ACTR3C: variants seen among roughly 807,000 people sequenced by gnomAD.
ACTR3C encodes actin-related protein 3C.
In ACTR3C, 18 loss-of-function variants were observed where a neutral mutation model predicts 26.3. The ratio of observed to expected loss-of-function variants is 0.68; its 90% CI spans 0.47 to 1.01. The LOEUF (loss-of-function observed/expected upper bound fraction) is 1.01. Ranked by LOEUF, ACTR3C falls within the 50% of genes least tolerant of loss-of-function variation. ACTR3C has a pLI of 0.00. For missense variants in ACTR3C, 184 were observed against 250.7 expected, an observed-to-expected ratio of 0.73 and a Z score of 1.80; for synonymous variants, 55 against 94.5, an observed-to-expected ratio of 0.58 and a Z score of 2.42.
chr7:150,277,173 CT>C (rs2129611532), intron 6 of ACTR3C, among the ~76,000 whole-genome samples: 1 of 152,244 alleles, frequency 6.6e-6, no homozygotes, highest in South Asian at 2.1e-4. Context: ...AAGCCAATTC[CT>C]TACATTTTAT....
chr7:149,956,724 G>C, the ACTR3C span, among the ~76,000 whole-genome samples: 1 of 151,404 alleles, frequency 6.6e-6, no homozygotes, highest in Admixed American at 6.6e-5. Context: ...ATGTAGGCTT[G>C]GATTTGGAGT....
chr7:149,969,637 C>T, the ACTR3C span, among the ~76,000 whole-genome samples: 1 of 152,082 alleles, frequency 6.6e-6, no homozygotes, highest in Admixed American at 6.5e-5. Context: ...TTTTGATATC[C>T]CTTTTCTCTT....
chr7:150,287,337 G>A (rs1835867634), intron 4 of ACTR3C, among the ~76,000 whole-genome samples: 1 of 151,372 alleles, frequency 6.6e-6, no homozygotes, highest in African/African-American at 2.4e-5. Context: ...GCAGAGTCAG[G>A]TGGGAGGACT....
At chr7:149,886,326 T>C in the ACTR3C span, among the ~76,000 whole-genome samples, 338 of 152,386 alleles carry the variant, frequency 2.2e-3, 4 homozygotes, top group African/African-American at 7.9e-3. Flanking sequence ...TCTGCATTTT[T>C]GTGTTTCCTG....
chr7:150,105,834 G>A, the ACTR3C span, among the ~76,000 whole-genome samples: 3,541 of 152,048 alleles, frequency 0.023, 169 homozygotes, highest in African/African-American at 0.082. Context: ...AACCAGTTAA[G>A]TGAAACTTAT....
At chr7:149,896,965 G>T in the ACTR3C span, among the ~76,000 whole-genome samples, 1 of 151,312 alleles carries the variant, frequency 6.6e-6, no homozygotes, top group Non-Finnish European at 1.5e-5. Flanking sequence ...GGAGGCTGAG[G>T]CAGGAGAATC....
chr7:150,210,968 C>A, the ACTR3C span, among the ~76,000 whole-genome samples: 5 of 150,016 alleles, frequency 3.3e-5, 1 homozygote, highest in African/African-American at 1.0e-4. Flanking sequence ...TAATAATCTT[C>A]TTTTGTCCTG....
chr7:149,903,913 G>GT, the ACTR3C span, among the ~76,000 whole-genome samples: 22,583 of 94,626 alleles, frequency 0.24, 3,817 homozygotes, highest in Non-Finnish European at 0.32. Context: ...GGTTGTTGTT[G>GT]TTGTTGTTGT....
chr7:150,315,045 T>C (rs1452682823), intron 1 of ACTR3C, among the ~76,000 whole-genome samples: 3 of 147,410 alleles, frequency 2.0e-5, no homozygotes, highest in Admixed American at 1.4e-4. Context: ...TATTAATAAT[T>C]ACTTTTATTA....
chr7:149,936,558 C>T, the ACTR3C span, among the ~76,000 whole-genome samples: 637 of 152,330 alleles, frequency 4.2e-3, 6 homozygotes, highest in African/African-American at 0.014. Flanking sequence ...GACTTTTCAG[C>T]ACAATAAAAC....
the ACTR3C span, among the ~76,000 whole-genome samples, chr7:150,098,434 A>G: frequency 6.6e-6 from 1 of 151,838 alleles, no homozygotes; most frequent in Non-Finnish European, 1.5e-5. Context: ...GTCAAGGCTC[A>G]TTGTCCGTAG....
the ACTR3C span, among the ~76,000 whole-genome samples, chr7:149,959,885 A>G: frequency 1.1e-4 from 16 of 152,322 alleles, no homozygotes; most frequent in Non-Finnish European, 2.4e-4. Context: ...GTGGTAAGAC[A>G]GGGTGGTTCT....
chr7:149,965,663 TATC>T, the ACTR3C span, among the ~76,000 whole-genome samples: 2 of 152,234 alleles, frequency 1.3e-5, no homozygotes, highest in African/African-American at 2.4e-5. Context: ...GGAAAAAAGA[TATC>T]ATGGCAAGGT....
At chr7:150,205,519 C>T in the ACTR3C span, among the ~76,000 whole-genome samples, 3 of 152,200 alleles carry the variant, frequency 2.0e-5, no homozygotes, top group Admixed American at 6.5e-5. Context: ...TGCCACAAAA[C>T]GCCCAAATCC....
chr7:150,161,202 T>TTATATATA, the ACTR3C span, among the ~76,000 whole-genome samples: 162 of 102,988 alleles, frequency 1.6e-3, 12 homozygotes, highest in African/African-American at 6.1e-3. Flanking sequence ...AGGAAAGTAT[T>TTATATATA]TATATATATA....
the ACTR3C span, among the ~76,000 whole-genome samples, chr7:149,890,209 A>G: frequency 6.6e-6 from 1 of 152,056 alleles, no homozygotes; most frequent in Non-Finnish European, 1.5e-5. Context: ...ATCCAAACCT[A>G]AATTATGCAG....
the ACTR3C span, chr7:150,047,525 C>T: frequency 1.8e-5 from 14 of 766,602 alleles, no homozygotes; most frequent in East Asian, 9.7e-4. Context: ...TTCCCCCCCC[C>T]ACAGATGCCC....
the ACTR3C span, among the ~76,000 whole-genome samples, chr7:149,983,449 G>GTGTGTGTGTGTGTGTGTATATATATA: frequency 3.4e-3 from 80 of 23,226 alleles, 2 homozygotes; most frequent in African/African-American, 0.012. Flanking sequence ...GTGTGTGTGT[G>GTGTGTGTGTGTGTGTGTATATATATA]TATATATATA....
the ACTR3C span, among the ~76,000 whole-genome samples, chr7:149,923,945 C>T: frequency 6.6e-6 from 1 of 151,630 alleles, no homozygotes; most frequent in Non-Finnish European, 1.5e-5. Flanking sequence ...TGCAGTGAGT[C>T]GACATCACGC....
Sources: gnomAD v4.1 joint callset for allele counts (sites outside exome capture counted in the v4.1 genomes callset) on GRCh38, gnomAD v4.1.1 for gene constraint, MANE v1.5 for transcripts, NCBI Gene and HGNC (gene_info 2026-07-23, HGNC 2026-07-21) for gene names.